C8orf33: variants seen among roughly 807,000 people sequenced by gnomAD.
C8orf33 encodes UPF0488 protein C8orf33.
C8orf33 carries 28 observed loss-of-function variants against 25.7 expected under a neutral mutation model. The ratio of observed to expected loss-of-function variants is 1.09; its 90% CI spans 0.81 to 1.49. The LOEUF (loss-of-function observed/expected upper bound fraction) is 1.49, where lower values mean the gene tolerates loss of function less well. Ranked by LOEUF, C8orf33 falls within the 40% of genes most tolerant of loss-of-function variation. The pLI, the probability that C8orf33 is intolerant of heterozygous loss-of-function variation, is 0.00. For missense variants in C8orf33, 369 were observed against 294.4 expected (o/e 1.25, Z -1.85); for synonymous variants, 153 against 115.9 (o/e 1.32, Z -2.06).
intron 4 of C8orf33, chr8:145,053,745 T>A: frequency 1.7e-6 from 1 of 580,076 alleles, no homozygotes; most frequent in Non-Finnish European, 3.0e-6. Context: ...CTACTAGCAA[T>A]GAAGCCATAT....
chr8:145,054,361 CTCTT>C lies in C8orf33; in HGVS notation c.*207_*210del, dbSNP rs1835326189. 1.2e-5 allele frequency: 6 copies of C among 512,408 alleles called. No individual in the cohort carries two copies. The Admixed American group carries it at 1.5e-4, about 12-fold the overall frequency. The allele number at this position is 512,408 out of a possible 1,614,324, so 31.7% of individuals were successfully genotyped here. A position where few individuals can be genotyped will look rare whatever the true frequency, so the allele number is the denominator to read the frequency against. ...CGTTCGTTTTCTGATGAAATGTTCT[CTCTT>C]TCAGAAGAGAGAGAGAGGTGCATTT... is the stretch of plus-strand genomic sequence containing the variant. On this transcript the variant is annotated 3_prime_UTR_variant, in exon 5 of 5. Transcript: ENST00000331434.
At chr8:145,053,670 G>A in intron 4 of C8orf33, 1 of 599,702 alleles carries the variant, frequency 1.7e-6, no homozygotes, top group Non-Finnish European at 2.9e-6. Flanking sequence ...AAAGAGCATG[G>A]TCCTATGTTG....
At position 145,053,449 on chromosome 8, in the gene C8orf33, G is replaced by A. The variant is rs764447696; in HGVS notation, c.550+6G>A. On this transcript the variant is annotated splice_donor_region_variant and intron_variant, in intron 4 of 4. Transcript: ENST00000331434. ...CCTGCGGGCTCTCAGAGCTGGTGAG[G>A]AGCTAGCCACTGGTTGATTCAGGAA... is the stretch of plus-strand genomic sequence containing the variant. 3.1e-6 allele frequency: 5 copies of A among 1,613,840 alleles called. No homozygotes were observed. The Admixed American group carries it at 5.0e-5, about 16-fold the overall frequency.
rs753560414 is a variant in C8orf33, at chr8:145,052,914, G to T, written c.318+17G>T. Reference sequence around the variant, plus strand: ...GAGGCCCAGGCAAGGGCGGGCTTCGGTCGGGAAGGGTGGAATCCACGGGTG... The same window carrying T: ...GAGGCCCAGGCAAGGGCGGGCTTCGTTCGGGAAGGGTGGAATCCACGGGTG... On this transcript the variant is annotated intron_variant, in intron 2 of 4. Coordinates refer to ENST00000331434, the MANE Select transcript of C8orf33 (RefSeq NM_023080.3). 1.9e-5 allele frequency: 31 copies of T among 1,606,444 alleles called. No homozygotes were observed. In the Admixed American group the frequency reaches 5.3e-4, roughly 27 times the overall value.
rs768339883 is a variant in C8orf33, at chr8:145,052,783, G to T, written c.204G>T (p.Ser68=). The T allele has an allele frequency of 1.9e-6, 3 of 1,614,078 alleles. No individual in the cohort carries two copies. The highest frequency in any genetic ancestry group is 2.5e-6 in the Non-Finnish European group (3 of 1,180,020). ...HPLGDEGGTA[S]KKQKNKKKTR... is the part of the protein sequence containing the mutation. The stretch of plus-strand genomic sequence containing the variant: ...TGGGCGATGAAGGCGGCACAGCGTC[G>T]AAAAAACAAAAGAATAAGAAGAAAA... The change falls in exon 2 of 5, where the codon TCG becomes TCT. Residue 68 remains serine, a synonymous_variant. Coordinates refer to ENST00000331434, the MANE Select transcript of C8orf33 (RefSeq NM_023080.3).
chr8:145,053,565 G>C (rs952503522), intron 4 of C8orf33, 122 bp downstream of exon 4: 4 of 956,632 alleles, frequency 4.2e-6, no homozygotes, highest in Non-Finnish European at 6.2e-6. Context: ...GCTCAGGGAA[G>C]CCTGAGGGAG....
At position 145,054,897 on chromosome 8, in the gene C8orf33, C is replaced by T. The variant is rs1835336432; in HGVS notation, c.*740C>T. On this transcript the variant is annotated 3_prime_UTR_variant, in exon 5 of 5. Coordinates refer to ENST00000331434, the MANE Select transcript of C8orf33 (RefSeq NM_023080.3). The stretch of plus-strand genomic sequence containing the variant: ...CCATTCAGTCTCAGGCCCTCTGTTC[C>T]ATGGAATTGGGAATCTCCAGGTGAC... The T allele has an allele frequency of 6.6e-6, 1 of 152,158 alleles. No homozygotes were observed. The highest frequency in any genetic ancestry group is 1.5e-5 in the Non-Finnish European group (1 of 68,034). The allele number at this position is 152,158 out of a possible 1,614,324, so 9.4% of individuals were successfully genotyped here.
At chr8:145,052,563 T>A in intron 1 of C8orf33, 23 bp from the exon 2 acceptor site, 1 of 1,601,136 alleles carries the variant, frequency 6.2e-7, no homozygotes, top group Non-Finnish European at 8.5e-7. Context: ...TCGGTGACCC[T>A]CGTGCTACCC....
chr8:145,053,269 T>C, intron 3 of C8orf33, 28 bp from the exon 4 acceptor site: 1 of 1,613,742 alleles, frequency 6.2e-7, no homozygotes, highest in Non-Finnish European at 8.5e-7. Flanking sequence ...AATAGAGGTG[T>C]TCACTAGTCC....
Position 145,052,622 on chromosome 8 carries a change from C to T in C8orf33, c.43C>T (p.Pro15Ser). The change falls in exon 2 of 5, where the codon CCA becomes TCA. Residue 15 changes from proline to serine, a missense_variant. Transcript: ENST00000331434. ...TCTTGCTGGGGAGGCAGCGGCGGCC[C>T]CAGGCCCGGGTACTCCCTGCGCGTC... ...GHLAGEAAAA[P>S]GPGTPCASRG... The T allele has an allele frequency of 1.9e-6, 3 of 1,610,384 alleles. No individual in the cohort carries two copies. Among genetic ancestry groups the T allele is most frequent in the Non-Finnish European group, 2.5e-6 (3 of 1,179,826 alleles).
rs985022458 is a variant in C8orf33 at position 145,053,038 on chromosome 8, G to C, written c.319-24G>C. ...TATGGTTTTCCAGTGCCCTCTCACA[G>C]CCACTTCCCCAAATCCATCACAGGC... On this transcript the variant is annotated intron_variant, in intron 2 of 4. Coordinates refer to ENST00000331434, the MANE Select transcript of C8orf33 (RefSeq NM_023080.3). 44 of 1,613,986 alleles carry C rather than the reference G, an allele frequency of 2.7e-5. No individual in the cohort carries two copies. In the Admixed American group the frequency reaches 7.3e-4, roughly 27 times the overall value.
Position 145,052,783 on chromosome 8 carries a change from G to A in C8orf33, c.204G>A (p.Ser68=). ...HPLGDEGGTA[S]KKQKNKKKTR... is the part of the protein sequence containing the mutation. ...TGGGCGATGAAGGCGGCACAGCGTC[G>A]AAAAAACAAAAGAATAAGAAGAAAA... Residue 68 remains serine (S), a synonymous_variant, in exon 2 of 5, where the codon TCG becomes TCA. Transcript: ENST00000331434. 1 of 1,614,078 alleles carries A rather than the reference G, an allele frequency of 6.2e-7. No individual in the cohort carries two copies. The highest frequency in any genetic ancestry group is 1.3e-5 in the African/African-American group (1 of 75,014).
chr8:145,053,147 G>C lies in C8orf33; in HGVS notation c.403+1G>C. ...AGGCAGAAACCCACCCCGAAACAGA[G>C]TAAGGGACCCTTCTGTAGAGCTGGG... is the stretch of plus-strand genomic sequence containing the variant. On this transcript the variant is annotated splice_donor_variant, in intron 3 of 4. Coordinates refer to ENST00000331434, the MANE Select transcript of C8orf33 (RefSeq NM_023080.3). LOFTEE classifies it high-confidence loss of function. The C allele has an allele frequency of 6.2e-7, 1 of 1,614,152 alleles. No homozygotes were observed. The highest frequency in any genetic ancestry group is 8.5e-7 in the Non-Finnish European group (1 of 1,179,958).
rs1835299078 is a variant in C8orf33, at chr8:145,052,905, C to T, written c.318+8C>T. ...CTAAGCGCTGAGGCCCAGGCAAGGG[C>T]GGGCTTCGGTCGGGAAGGGTGGAAT... On this transcript the variant is annotated splice_region_variant and intron_variant, in intron 2 of 4. Coordinates refer to ENST00000331434, the MANE Select transcript of C8orf33 (RefSeq NM_023080.3). 1 of 1,609,030 alleles carries T rather than the reference C, an allele frequency of 6.2e-7. No homozygotes were observed.
Position 145,054,936 on chromosome 8 carries a change from G to C in C8orf33, c.*779G>C. 1 of 152,206 alleles carries C rather than the reference G, an allele frequency of 6.6e-6. No homozygotes were observed. The highest frequency in any genetic ancestry group is 1.9e-4 in the East Asian group (1 of 5,202). 9.4% of individuals were successfully genotyped at this position (152,206 alleles called of 1,614,324 possible). The stretch of plus-strand genomic sequence containing the variant: ...TCTCCAGGTGACCTAATCCTCATTG[G>C]TGGCTTGATGTTTGCTGGTATCTTC... On this transcript the variant is annotated 3_prime_UTR_variant, in exon 5 of 5. Coordinates refer to ENST00000331434, the MANE Select transcript of C8orf33 (RefSeq NM_023080.3).
Position 145,053,080 on chromosome 8 carries a change from G to C in C8orf33, c.337G>C (p.Glu113Gln). Residue 113 changes from glutamate (E) to glutamine (Q), a missense_variant, in exon 3 of 5, where the codon GAA becomes CAA. Glu to Gln is a conservative substitution (Grantham distance 29). Coordinates refer to ENST00000331434, the MANE Select transcript of C8orf33 (RefSeq NM_023080.3). ...AEAQAQQLAQ[E>Q]LAWCVEQLEL... ...ATCACAGGCACAACAGTTGGCCCAGGAATTGGCTTGGTGTGTGGAGCAACT... is the reference window on the plus strand; with the variant it reads ...ATCACAGGCACAACAGTTGGCCCAGCAATTGGCTTGGTGTGTGGAGCAACT... 6.2e-7 allele frequency: 1 copy of C among 1,614,192 alleles called. No individual in the cohort carries two copies. The highest frequency in any genetic ancestry group is 8.5e-7 in the Non-Finnish European group (1 of 1,180,024).
rs80182662 is a variant in C8orf33, at chr8:145,053,276, G to C, written c.404-21G>C. Reference sequence around the variant, plus strand: ...AGGTCAGTAATAGAGGTGTTCACTAGTCCTTTATTTTTATTCGCAGAAGAG... The same window carrying C: ...AGGTCAGTAATAGAGGTGTTCACTACTCCTTTATTTTTATTCGCAGAAGAG... On this transcript the variant is annotated intron_variant, in intron 3 of 4. Transcript: ENST00000331434. 2.5e-3 allele frequency: 4,066 copies of C among 1,614,002 alleles called. 89 individuals are homozygous for C. The African/African-American group carries it at 0.045, about 18-fold the overall frequency.
intron 4 of C8orf33, 43 bp from the exon 5 acceptor site, chr8:145,053,975 G>T (rs1158049304): frequency 6.2e-7 from 1 of 1,601,378 alleles, no homozygotes; most frequent in Admixed American, 1.7e-5. Flanking sequence ...AATGTTAATT[G>T]TTATTATTCA....
At position 145,053,619 on chromosome 8, in the gene C8orf33, C is replaced by T. The variant is rs1835313105; in HGVS notation, c.550+176C>T. ...GGACCTCTCTTTCCTCTTCCTAGGACTGAACCTGGGAAGCAGCGGGGAGGC... is the reference window on the plus strand; with the variant it reads ...GGACCTCTCTTTCCTCTTCCTAGGATTGAACCTGGGAAGCAGCGGGGAGGC... On this transcript the variant is annotated intron_variant, in intron 4 of 4. Transcript: ENST00000331434. The T allele has an allele frequency of 1.2e-5, 8 of 672,416 alleles. 1 individual carries two copies. In the East Asian group the frequency reaches 2.2e-4, roughly 18 times the overall value. The allele number at this position is 672,416 out of a possible 1,614,324, so 41.7% of individuals were successfully genotyped here. A position where few individuals can be genotyped will look rare whatever the true frequency, so the allele number is the denominator to read the frequency against.
Sources: allele counts gnomAD v4.1 joint callset, GRCh38; gene constraint gnomAD v4.1.1; transcripts MANE v1.5; gene names NCBI Gene and HGNC (gene_info 2026-07-23, HGNC 2026-07-21).